The following MAEA variants were observed in gnomAD, a reference collection of about 807,000 sequenced individuals.
MAEA encodes E3 ubiquitin-protein transferase MAEA.
MAEA carries 22 observed loss-of-function variants against 46.2 expected under a neutral mutation model. The ratio of observed to expected loss-of-function variants is 0.48; its 90% CI spans 0.34 to 0.68. The LOEUF is 0.68. Ranked by LOEUF, MAEA falls within the 30% of genes least tolerant of loss-of-function variation. The pLI is 0.01. For synonymous variants in MAEA, 246 were observed against 222.6 expected (o/e 1.11, Z -0.94); for missense variants, 393 against 558.1 (o/e 0.70, Z 2.98).
chr4:1,336,835 A>G (rs770453696), intron 6 of MAEA, 26 bp from the exon 7 acceptor site: 1 of 1,608,748 alleles, frequency 6.2e-7, no homozygotes, highest in African/African-American at 1.3e-5. Context: ...GAGCATCCCC[A>G]GGACCCTCTG....
At chr4:1,321,191 C>G (rs554510597) in intron 3 of MAEA, among the ~76,000 whole-genome samples, 1 of 151,682 alleles carries the variant, frequency 6.6e-6, no homozygotes, top group Non-Finnish European at 1.5e-5. Context: ...TATGAAGGGG[C>G]TTCAGAAAAG....
Position 1,338,421 on chromosome 4 carries a change from G to C in MAEA, c.900-1G>C, listed in dbSNP as rs764081355. 6.2e-7 allele frequency: 1 copy of C among 1,607,956 alleles called. No homozygotes were observed. ...CAACCCTTCCTTGACCCGATGCTCAGACAGTGCTACAAGGAGGACGGCAGC... is the reference window on the plus strand; with the variant it reads ...CAACCCTTCCTTGACCCGATGCTCACACAGTGCTACAAGGAGGACGGCAGC... On this transcript the variant is annotated splice_acceptor_variant, in intron 7 of 8. Transcript: ENST00000303400. LOFTEE classifies it high-confidence loss of function.
Position 1,327,810 on chromosome 4 carries a change from G to A in MAEA, c.656+107G>A, listed in dbSNP as rs61332620. The A allele has an allele frequency of 3.5e-3, 2,883 of 818,326 alleles. 70 individuals are homozygous for A. The African/African-American group carries it at 0.046, about 13-fold the overall frequency. The allele number at this position is 818,326 out of a possible 1,614,324, so 50.7% of individuals were successfully genotyped here. A position where few individuals can be genotyped will look rare whatever the true frequency, so the allele number is the denominator to read the frequency against. On this transcript the variant is annotated intron_variant, in intron 5 of 8. Transcript: ENST00000303400. Reference sequence around the variant, plus strand: ...TGGGTCCTGGGACGTCCCCTGGGTCGTCCCCTGGGTCTTGAGTCTGACCCC... The same window carrying A: ...TGGGTCCTGGGACGTCCCCTGGGTCATCCCCTGGGTCTTGAGTCTGACCCC...
Position 1,311,294 on chromosome 4 carries a change from C to G in MAEA, c.70-685C>G, listed in dbSNP as rs758653614. ...GCGCTGGGGCGTGATTCTGTCGTGC[C>G]GCTTTCAAACCGTAGAGCACAGGAA... On this transcript the variant is annotated intron_variant, in intron 1 of 8. Coordinates refer to ENST00000303400, the MANE Select transcript of MAEA (RefSeq NM_001017405.3). This position sits in a 1 kb window ranked among gnomAD's most constrained non-coding sequence, Gnocchi z 4.4. Among the ~76,000 whole-genome samples the G allele has an allele frequency of 1.3e-5, 2 of 152,248 alleles. No homozygotes were observed. Among genetic ancestry groups the G allele is most frequent in the African/African-American group, 4.8e-5 (2 of 41,454 alleles).
chr4:1,312,011 C>T lies in MAEA; in HGVS notation c.102C>T (p.Arg34=), dbSNP rs34082974. The change falls in exon 2 of 9, where the codon CGC becomes CGT. Residue 34 remains arginine (R), a synonymous_variant. Coordinates refer to ENST00000303400, the MANE Select transcript of MAEA (RefSeq NM_001017405.3). ...VPYETLNKRF[R]AAQKNIDRET... ...ACGAGACGCTGAACAAACGCTTTCGCGCCGCTCAGAAGAACATTGACCGGG... is the reference window on the plus strand; with the variant it reads ...ACGAGACGCTGAACAAACGCTTTCGTGCCGCTCAGAAGAACATTGACCGGG... 0.013 allele frequency: 20,667 copies of T among 1,613,586 alleles called. 2,014 individuals carry two copies. The African/African-American group carries it at 0.23, about 18-fold the overall frequency.
intron 5 of MAEA, chr4:1,328,591 C>T (rs1435952753): frequency 8.3e-7 from 1 of 1,197,752 alleles, no homozygotes; most frequent in Non-Finnish European, 1.1e-6. Flanking sequence ...GGCACCTGTC[C>T]ATGCCCACAG....
chr4:1,311,945 G>T lies in MAEA; in HGVS notation c.70-34G>T. 4 of 1,583,180 alleles carry T rather than the reference G, an allele frequency of 2.5e-6. No individual in the cohort carries two copies. The highest frequency in any genetic ancestry group is 1.1e-5 in the South Asian group (1 of 87,040). On this transcript the variant is annotated intron_variant, in intron 1 of 8. Transcript: ENST00000303400. The surrounding 1 kb of genome is among the most constrained non-coding windows in gnomAD (Gnocchi z 4.4). ...GGGGCTGGTGGGGCTCACACCAGGG[G>T]AGCAGATCCCTCACCATCCTCCTTC... is the stretch of plus-strand genomic sequence containing the variant.
intron 6 of MAEA, among the ~76,000 whole-genome samples, chr4:1,334,575 C>T (rs1560390774): frequency 6.6e-6 from 1 of 152,210 alleles, no homozygotes; most frequent in Admixed American, 6.5e-5. Context: ...GCTGAGACTT[C>T]GGGCCTAGGC....
intron 5 of MAEA, chr4:1,330,000 C>T (rs1044591968): frequency 6.1e-6 from 6 of 985,300 alleles, no homozygotes; most frequent in South Asian, 9.4e-5. Flanking sequence ...CTGGGGCAGG[C>T]AAGGTGAGTC....
At chr4:1,296,891 G>T (rs1734787107) in intron 1 of MAEA, among the ~76,000 whole-genome samples, 1 of 152,030 alleles carries the variant, frequency 6.6e-6, no homozygotes, top group Non-Finnish European at 1.5e-5. Context: ...ACTTGCCTAT[G>T]CTGTCTTCTC....
chr4:1,315,510 G>T lies in MAEA; in HGVS notation c.366G>T (p.Arg122Ser). 6.2e-7 allele frequency: 1 copy of T among 1,613,934 alleles called. No individual in the cohort carries two copies. Among genetic ancestry groups the T allele is most frequent in the South Asian group, 1.1e-5 (1 of 91,092 alleles). ...DQPAAASVWKRKRMDRMMVEH... is the reference protein window; with the variant it reads ...DQPAAASVWKSKRMDRMMVEH... ...CCGCGGCGGCCAGCGTGTGGAAGAG[G>T]AAGCGCATGGATCGCATGATGGTGG... Residue 122 changes from arginine (R) to serine (S), a missense_variant, in exon 3 of 9, where the codon AGG (arginine) becomes AGT (serine). Arg to Ser is a moderately radical substitution (Grantham distance 110, BLOSUM62 -1). Coordinates refer to ENST00000303400, the MANE Select transcript of MAEA (RefSeq NM_001017405.3).
At chr4:1,337,048 C>A in intron 7 of MAEA, 54 bp downstream of exon 7, 2 of 1,592,104 alleles carry the variant, frequency 1.3e-6, no homozygotes, top group South Asian at 1.1e-5. Context: ...CATCTTTGGT[C>A]ATATTTTAAC....
intron 1 of MAEA, among the ~76,000 whole-genome samples, chr4:1,298,470 C>T (rs1246540621): frequency 6.7e-6 from 1 of 149,686 alleles, no homozygotes; most frequent in African/African-American, 2.5e-5. Flanking sequence ...CCCACAGGTC[C>T]CCTCTGTCTG....
At chr4:1,310,807 C>T (rs35233550) in intron 1 of MAEA, among the ~76,000 whole-genome samples, 10,638 of 152,240 alleles carry the variant, frequency 0.07, 468 homozygotes, top group South Asian at 0.17. Flanking sequence ...CCTTGCCACC[C>T]GCCTCCTGCC....
At chr4:1,301,979 C>T (rs1004974320) in intron 1 of MAEA, among the ~76,000 whole-genome samples, 4 of 152,230 alleles carry the variant, frequency 2.6e-5, no homozygotes, top group Non-Finnish European at 5.9e-5. Context: ...GGAGGGATTA[C>T]ATCCCACCTC....
At chr4:1,335,378 G>A in intron 6 of MAEA, 1 of 985,508 alleles carries the variant, frequency 1.0e-6, no homozygotes, top group Non-Finnish European at 1.2e-6. Context: ...GTGTAGCAGA[G>A]TTAAGTCAGC....
chr4:1,322,671 T>C (rs1738278793), intron 4 of MAEA, among the ~76,000 whole-genome samples, 168 bp downstream of exon 4: 1 of 152,216 alleles, frequency 6.6e-6, no homozygotes, highest in African/African-American at 2.4e-5. Context: ...ACTTTTAGGC[T>C]AAAATCTGGA....
At chr4:1,315,873 G>GC (rs60755890) in intron 3 of MAEA, among the ~76,000 whole-genome samples, 55 of 15,364 alleles carry the variant, frequency 3.6e-3, no homozygotes, top group South Asian at 0.012. Flanking sequence ...CCGTGTGTGT[G>GC]CCCCCCCCCC....
intron 3 of MAEA, among the ~76,000 whole-genome samples, chr4:1,316,159 C>T (rs1236249644): frequency 6.6e-6 from 1 of 152,154 alleles, no homozygotes; most frequent in South Asian, 2.1e-4. Context: ...TTGCCTTTAT[C>T]TCAGGCGGGG....
Sources: gnomAD v4.1 joint callset for allele counts (sites outside exome capture counted in the v4.1 genomes callset) on GRCh38, gnomAD v4.1.1 for gene constraint, Gnocchi (gnomAD v3.1) non-coding constraint, MANE v1.5 for transcripts, NCBI Gene and HGNC (gene_info 2026-07-23, HGNC 2026-07-21) for gene names.